The following RLF variants were observed in gnomAD, a reference collection of about 807,000 sequenced individuals.
The protein encoded by RLF is zinc finger protein Rlf.
RLF carries 7 observed loss-of-function variants against 162.9 expected under a neutral mutation model. The observed-to-expected ratio is 0.04, with a 90% confidence interval of 0.02 to 0.08. The LOEUF is 0.08. RLF is among the 10% of genes least tolerant of loss of function. RLF has a pLI of 1.00. For synonymous variants in RLF, 782 were observed against 791.5 expected (o/e 0.99, Z 0.20); for missense variants, 1,664 against 2,244.7 (o/e 0.74, Z 5.23).
intron 1 of RLF, among the ~76,000 whole-genome samples, chr1:40,169,325 A>G (rs1214252554): frequency 2.6e-5 from 4 of 151,982 alleles, no homozygotes; most frequent in Non-Finnish European, 5.9e-5. Context: ...TTTATTAATA[A>G]GTGCTTCTCG....
rs113861016 is a variant in RLF, at chr1:40,231,669, T to C, written c.1089+11T>C. The C allele has an allele frequency of 1.8e-4, 289 of 1,602,808 alleles. 1 individual carries two copies. In the African/African-American group the frequency reaches 3.4e-3, roughly 19 times the overall value. On this transcript the variant is annotated intron_variant, in intron 7 of 7. Transcript: ENST00000372771. ...GTTATACAAACTGAAGTGAGTACTTTATGCCTTCTCTGCTAACTGTAGCTG... is the reference window on the plus strand; with the variant it reads ...GTTATACAAACTGAAGTGAGTACTTCATGCCTTCTCTGCTAACTGTAGCTG...
intron 2 of RLF, among the ~76,000 whole-genome samples, chr1:40,190,340 C>G (rs1358076700): frequency 6.6e-6 from 1 of 152,118 alleles, no homozygotes; most frequent in Non-Finnish European, 1.5e-5. Flanking sequence ...TGCCAGTCTT[C>G]CTGCTTCCTC....
intron 1 of RLF, among the ~76,000 whole-genome samples, chr1:40,178,991 C>A (rs898427680): frequency 1.3e-5 from 2 of 152,030 alleles, no homozygotes; most frequent in Admixed American, 1.3e-4. Flanking sequence ...TGTGCCACCA[C>A]GCCCGGCTAA....
At chr1:40,231,337 G>A (rs1390072220) in intron 6 of RLF, 180 bp from the exon 7 acceptor site, 1 of 527,866 alleles carries the variant, frequency 1.9e-6, no homozygotes, top group Non-Finnish European at 3.3e-6. Flanking sequence ...AATTGTTACG[G>A]AGGATTCTTA....
chr1:40,182,799 AAGTT>A (rs1468901152), intron 1 of RLF, among the ~76,000 whole-genome samples: 1 of 151,346 alleles, frequency 6.6e-6, no homozygotes, highest in East Asian at 1.9e-4. Flanking sequence ...ATAGAGTAAT[AAGTT>A]AGTCATATCA....
intron 7 of RLF, among the ~76,000 whole-genome samples, chr1:40,233,716 G>A (rs937871268): frequency 2.0e-5 from 3 of 152,170 alleles, no homozygotes. Flanking sequence ...GCTAGGTAAT[G>A]CCTCTCTTTC....
At chr1:40,185,517 T>TTA (rs1553172908) in intron 1 of RLF, among the ~76,000 whole-genome samples, 6 of 23,748 alleles carry the variant, frequency 2.5e-4, no homozygotes, top group East Asian at 2.1e-3. Context: ...AATCTTGCAT[T>TTA]AAAAAAAAAA....
chr1:40,240,595 C>CCAATACTGCTGACAT lies in RLF; in HGVS notation c.*148_*149insCAATACTGCTGACAT. On this transcript the variant is annotated 3_prime_UTR_variant, in exon 8 of 8. Transcript: ENST00000372771. ...CATGAATGTATAATATCTATGTCAGCAGTATTGGCTGAGTCCATTAGCTCT... is the reference window on the plus strand; with the variant it reads ...CATGAATGTATAATATCTATGTCAGCCAATACTGCTGACATAGTATTGGCTGAGTCCATTAGCTCT... 2 of 619,538 alleles carry CCAATACTGCTGACAT rather than the reference C, an allele frequency of 3.2e-6. No individual in the cohort carries two copies. Among genetic ancestry groups the CCAATACTGCTGACAT allele is most frequent in the Non-Finnish European group, 5.7e-6 (2 of 350,664 alleles). The allele number at this position is 619,538 out of a possible 1,614,324, so 38.4% of individuals were successfully genotyped here.
At chr1:40,192,103 G>A (rs755341456) in intron 3 of RLF, among the ~76,000 whole-genome samples, 9 of 152,194 alleles carry the variant, frequency 5.9e-5, no homozygotes, top group Non-Finnish European at 1.0e-4. Context: ...TCTTTAGTGA[G>A]AAGAGGATTC....
intron 1 of RLF, among the ~76,000 whole-genome samples, chr1:40,167,978 T>G (rs1008827633): frequency 6.6e-6 from 1 of 151,158 alleles, no homozygotes; most frequent in Non-Finnish European, 1.5e-5. Context: ...GCCAGCACTT[T>G]GGGAGACCAA....
intron 5 of RLF, among the ~76,000 whole-genome samples, chr1:40,217,797 AC>A (rs1366014228): frequency 6.6e-6 from 1 of 151,894 alleles, no homozygotes; most frequent in Non-Finnish European, 1.5e-5. Flanking sequence ...AGAAAGAAAA[AC>A]CCAACTCCTA....
At chr1:40,205,199 A>G (rs1642773612) in intron 5 of RLF, among the ~76,000 whole-genome samples, 1 of 152,082 alleles carries the variant, frequency 6.6e-6, no homozygotes, top group Admixed American at 6.6e-5. Context: ...CATGCCTGTA[A>G]TCCCAGCACT....
intron 1 of RLF, among the ~76,000 whole-genome samples, chr1:40,177,526 C>T (rs1199122634): frequency 6.6e-6 from 1 of 151,982 alleles, no homozygotes; most frequent in Non-Finnish European, 1.5e-5. Flanking sequence ...ATCTCCTGAC[C>T]TCGTGATCTG....
chr1:40,239,111 A>G lies in RLF; in HGVS notation c.4409A>G (p.Lys1470Arg). Residue 1470 changes from lysine to arginine, a missense_variant, in exon 8 of 8, where the codon AAA becomes AGA. Physicochemically the swap from Lys to Arg is conservative, Grantham distance 26 (BLOSUM62 2). This residue lies in a region of RLF where 200 missense variants were observed against 207.3 expected (regional missense o/e 0.96). Coordinates refer to ENST00000372771, the MANE Select transcript of RLF (RefSeq NM_012421.4). Reference protein sequence around the residue: ...NYSQHVYYRHKDYYDDLFRSQ... With the variant: ...NYSQHVYYRHRDYYDDLFRSQ... ...TCACAACATGTATATTACCGACATA[A>G]AGACTATTATGATGATTTGTTTAGA... 6.2e-7 allele frequency: 1 copy of G among 1,614,150 alleles called. No individual in the cohort carries two copies. Among genetic ancestry groups the G allele is most frequent in the Non-Finnish European group, 8.5e-7 (1 of 1,180,010 alleles).
chr1:40,204,334 G>A (rs1642760557), intron 5 of RLF, among the ~76,000 whole-genome samples: 1 of 151,478 alleles, frequency 6.6e-6, no homozygotes. Context: ...TCTCTTAATT[G>A]TACTTGTTTG....
chr1:40,233,134 T>C (rs1376693803), intron 7 of RLF, among the ~76,000 whole-genome samples: 1 of 151,674 alleles, frequency 6.6e-6, no homozygotes, highest in East Asian at 1.9e-4. Context: ...GACTTGGCTA[T>C]ATCCTATGTG....
chr1:40,229,881 G>A (rs1051167915), intron 6 of RLF, among the ~76,000 whole-genome samples: 4 of 152,002 alleles, frequency 2.6e-5, no homozygotes, highest in East Asian at 1.9e-4. Context: ...CTGGGAGGCC[G>A]AGGCAGGCAG....
In RLF at chr1:40,200,867, T is replaced by TACACACAC. The variant is rs71060356; in HGVS notation, c.608-1480_608-1473dup. 5.0e-3 allele frequency among the ~76,000 whole-genome samples: 176 copies of TACACACAC among 34,856 alleles called. 8 individuals are homozygous for TACACACAC. Among genetic ancestry groups the TACACACAC allele is most frequent in the East Asian group, 9.6e-3 (8 of 830 alleles). The allele number at this position is 34,856 out of a possible 152,430, so 22.9% of individuals were successfully genotyped here. A position where few individuals can be genotyped will look rare whatever the true frequency, so the allele number is the denominator to read the frequency against. On this transcript the variant is annotated intron_variant, in intron 4 of 7. Transcript: ENST00000372771. ...TCCTTAGTATAAACCATTGCTACTC[T>TACACACAC]ACACACACACACACACACACACACA...
intron 1 of RLF, among the ~76,000 whole-genome samples, chr1:40,165,638 T>G (rs1437779548): frequency 6.6e-6 from 1 of 152,200 alleles, no homozygotes; most frequent in Admixed American, 6.5e-5. Flanking sequence ...TGTCACTGTC[T>G]TCATTCAGGC....
Sources: gnomAD v4.1 joint callset for allele counts (sites outside exome capture counted in the v4.1 genomes callset) on GRCh38, gnomAD v4.1.1 for gene constraint, gnomAD v4.1.1 regional missense constraint, MANE v1.5 for transcripts, NCBI Gene and HGNC (gene_info 2026-07-23, HGNC 2026-07-21) for gene names.